The following GPC5 variants were observed in gnomAD, a reference collection of about 807,000 sequenced individuals.
GPC5 encodes glypican 5.
Under a neutral mutation model 53.9 loss-of-function variants are expected in GPC5, and 47 were observed. The ratio of observed to expected loss-of-function variants is 0.87; its 90% CI spans 0.69 to 1.11. The LOEUF (loss-of-function observed/expected upper bound fraction) is 1.11, where lower values mean the gene tolerates loss of function less well. GPC5 is among the 50% of genes most tolerant of loss of function. GPC5 has a pLI of 0.00. For missense variants in GPC5, 748 were observed against 713.1 expected, an observed-to-expected ratio of 1.05 and a Z score of -0.56; for synonymous variants, 286 against 263.3, an observed-to-expected ratio of 1.09 and a Z score of -0.84.
At chr13:92,451,569 T>A (rs1878062094) in intron 7 of GPC5, among the ~76,000 whole-genome samples, 1 of 152,180 alleles carries the variant, frequency 6.6e-6, no homozygotes, top group South Asian at 2.1e-4. Context: ...AGTCAAGATT[T>A]CTATCATAAG....
chr13:91,829,242 A>G (rs1240990361), intron 5 of GPC5, among the ~76,000 whole-genome samples: 1 of 152,110 alleles, frequency 6.6e-6, no homozygotes, highest in Non-Finnish European at 1.5e-5. Context: ...GAGAGTCCAA[A>G]AAGAAATGGC....
intron 7 of GPC5, among the ~76,000 whole-genome samples, chr13:92,615,100 G>A (rs551723305): frequency 1.3e-5 from 2 of 152,124 alleles, no homozygotes; most frequent in South Asian, 2.1e-4. Context: ...TCCATTTCAC[G>A]TTTAAGGAAG....
chr13:91,415,393 C>T (rs1011643371), intron 1 of GPC5, among the ~76,000 whole-genome samples: 22 of 152,090 alleles, frequency 1.4e-4, no homozygotes, highest in African/African-American at 5.3e-4. Context: ...CTGTTTTATG[C>T]CAGCATCCAT....
chr13:91,817,036 C>T (rs1276529709), intron 5 of GPC5, among the ~76,000 whole-genome samples: 2 of 152,182 alleles, frequency 1.3e-5, no homozygotes, highest in Admixed American at 6.5e-5. Context: ...TCTATTATTA[C>T]AGCTTAGGAA....
intron 7 of GPC5, among the ~76,000 whole-genome samples, chr13:92,832,387 G>A (rs1030358089): frequency 4.6e-5 from 7 of 152,124 alleles, no homozygotes; most frequent in African/African-American, 1.2e-4. Flanking sequence ...CAAACTCAGT[G>A]GAGTAACTTT....
chr13:91,565,262 T>C (rs1324130420), intron 2 of GPC5, among the ~76,000 whole-genome samples: 2 of 152,180 alleles, frequency 1.3e-5, no homozygotes, highest in Non-Finnish European at 2.9e-5. Context: ...AGTGTTGGGA[T>C]TGCAGACATG....
intron 7 of GPC5, among the ~76,000 whole-genome samples, chr13:92,453,508 T>C (rs944308116): frequency 6.6e-6 from 1 of 152,112 alleles, no homozygotes; most frequent in Non-Finnish European, 1.5e-5. Flanking sequence ...AGCAAATAAA[T>C]TGAACAGAGA....
At chr13:91,883,321 G>C (rs1052804246) in intron 5 of GPC5, among the ~76,000 whole-genome samples, 1 of 152,200 alleles carries the variant, frequency 6.6e-6, no homozygotes, top group Admixed American at 6.5e-5. Flanking sequence ...AGGTCAGATA[G>C]AATTACTTGT....
intron 7 of GPC5, among the ~76,000 whole-genome samples, chr13:92,498,033 C>A (rs1880041073): frequency 6.6e-6 from 1 of 152,034 alleles, no homozygotes; most frequent in Non-Finnish European, 1.5e-5. Context: ...ATGTCATCTG[C>A]AAACAGAGAC....
chr13:92,014,391 G>T (rs1009860640), intron 6 of GPC5, among the ~76,000 whole-genome samples: 1 of 152,232 alleles, frequency 6.6e-6, no homozygotes, highest in East Asian at 1.9e-4. Flanking sequence ...GCCTGCCCAC[G>T]TTGTTGTTGG....
chr13:91,912,426 G>A (rs1014304778), intron 6 of GPC5, among the ~76,000 whole-genome samples: 20 of 151,658 alleles, frequency 1.3e-4, no homozygotes, highest in African/African-American at 4.8e-4. Context: ...GAAATCTGAT[G>A]GAAAAAGTGA....
At chr13:92,434,028 T>C (rs988891607) in intron 7 of GPC5, among the ~76,000 whole-genome samples, 6 of 152,156 alleles carry the variant, frequency 3.9e-5, no homozygotes, top group Admixed American at 2.6e-4. Flanking sequence ...TTTTGGAAAT[T>C]ATGATTTAAG....
chr13:92,585,470 C>T (rs530626375), intron 7 of GPC5, among the ~76,000 whole-genome samples: 2 of 152,168 alleles, frequency 1.3e-5, no homozygotes, highest in Non-Finnish European at 2.9e-5. Context: ...CTTGTACCCA[C>T]GTTGTATCTA....
chr13:92,624,020 A>G (rs75705206), intron 7 of GPC5, among the ~76,000 whole-genome samples: 3 of 110,680 alleles, frequency 2.7e-5, no homozygotes, highest in Non-Finnish European at 6.0e-5. Context: ...ATGCTCGGCT[A>G]ATTTTTTTTT....
chr13:92,749,984 C>A (rs1889339847), intron 7 of GPC5, among the ~76,000 whole-genome samples: 1 of 152,160 alleles, frequency 6.6e-6, no homozygotes, highest in Admixed American at 6.6e-5. Context: ...GTTCACTGAG[C>A]TATGCAGCTT....
intron 2 of GPC5, among the ~76,000 whole-genome samples, chr13:91,573,375 T>C (rs1469836883): frequency 6.6e-6 from 1 of 152,194 alleles, no homozygotes; most frequent in African/African-American, 2.4e-5. Context: ...TGAGAATCGA[T>C]CATTTCTTGT....
At chr13:92,083,626 T>A (rs1033253096) in intron 6 of GPC5, among the ~76,000 whole-genome samples, 3 of 152,166 alleles carry the variant, frequency 2.0e-5, no homozygotes, top group Admixed American at 6.5e-5. Flanking sequence ...AAAATACAAA[T>A]AGACTCTTGA....
intron 2 of GPC5, among the ~76,000 whole-genome samples, chr13:91,518,367 A>G (rs971539223): frequency 6.6e-6 from 1 of 152,196 alleles, no homozygotes; most frequent in Non-Finnish European, 1.5e-5. Flanking sequence ...ATCTCAAACA[A>G]CAACAACAAT....
intron 7 of GPC5, among the ~76,000 whole-genome samples, chr13:92,668,316 T>G (rs1040563170): frequency 3.3e-5 from 5 of 152,168 alleles, no homozygotes; most frequent in Non-Finnish European, 7.4e-5. Context: ...TTTATATTTA[T>G]GCATAACAGA....
Sources: allele counts gnomAD v4.1 joint callset (sites outside exome capture counted in the v4.1 genomes callset), GRCh38; gene constraint gnomAD v4.1.1; transcripts MANE v1.5; gene names NCBI Gene and HGNC (gene_info 2026-07-23, HGNC 2026-07-21).